The following PCDH15 variants were observed in gnomAD, a reference collection of about 807,000 sequenced individuals.
PCDH15 encodes the protein protocadherin related 15.
PCDH15 carries 129 observed loss-of-function variants against 178.5 expected under a neutral mutation model. The ratio of observed to expected loss-of-function variants is 0.72; its 90% confidence interval spans 0.63 to 0.84. PCDH15 has a LOEUF of 0.84. PCDH15 is among the 40% of genes least tolerant of loss of function. The pLI is 0.00. For missense variants in PCDH15, 2,230 were observed against 2,099.9 expected (o/e 1.06, Z -1.21); for synonymous variants, 800 against 732.0 (o/e 1.09, Z -1.50).
intron 2 of PCDH15, among the ~76,000 whole-genome samples, chr10:55,415,635 G>A (rs1457798990): frequency 6.6e-6 from 1 of 151,572 alleles, no homozygotes; most frequent in Non-Finnish European, 1.5e-5. Context: ...TTAAGGGTTT[G>A]GATACCAGGA....
intron 2 of PCDH15, among the ~76,000 whole-genome samples, chr10:55,435,706 A>T (rs970548407): frequency 1.1e-4 from 17 of 150,506 alleles, no homozygotes; most frequent in Non-Finnish European, 2.5e-4. Context: ...GGAGAAACAG[A>T]GAAAAAATAT....
intron 2 of PCDH15, among the ~76,000 whole-genome samples, chr10:55,078,672 T>C (rs1841968119): frequency 6.6e-6 from 1 of 152,090 alleles, no homozygotes; most frequent in South Asian, 2.1e-4. Flanking sequence ...TCATTTTTGG[T>C]TCTGTGGATA....
At chr10:54,537,707 T>C (rs1377445552) in intron 2 of PCDH15, among the ~76,000 whole-genome samples, 3 of 152,172 alleles carry the variant, frequency 2.0e-5, no homozygotes, top group Non-Finnish European at 4.4e-5. Flanking sequence ...ATTTCCACAT[T>C]GGCTGAACTA....
In PCDH15 at chr10:53,805,709, T is replaced by C. The variant is rs1841106375; in HGVS notation, c.*870A>G. 6.6e-6 allele frequency: 1 copy of C among 152,120 alleles called. No individual in the cohort carries two copies. Among genetic ancestry groups the C allele is most frequent in the Non-Finnish European group, 1.5e-5 (1 of 68,008 alleles). 9.4% of individuals were successfully genotyped at this position (152,120 alleles called of 1,614,324 possible). On this transcript the variant is annotated 3_prime_UTR_variant, in exon 38 of 38. Transcript: ENST00000644397. ...AAGTCTAGTGACATTAATGTGAGAC[T>C]TCCCTAACCTCACCATGTCTTCCAT...
intron 2 of PCDH15, among the ~76,000 whole-genome samples, chr10:55,163,686 G>A (rs146378618): frequency 7.2e-5 from 11 of 152,084 alleles, no homozygotes; most frequent in Non-Finnish European, 1.3e-4. Flanking sequence ...ATCCTCAGTA[G>A]TCATTATTCA....
At chr10:54,057,233 C>T (rs1196776628) in intron 18 of PCDH15, among the ~76,000 whole-genome samples, 2 of 152,206 alleles carry the variant, frequency 1.3e-5, no homozygotes, top group African/African-American at 2.4e-5. Flanking sequence ...AGGCAGTGTC[C>T]CAGTGGGGAC....
At chr10:55,033,131 G>A (rs1840651644) in intron 2 of PCDH15, among the ~76,000 whole-genome samples, 1 of 152,148 alleles carries the variant, frequency 6.6e-6, no homozygotes, top group Non-Finnish European at 1.5e-5. Context: ...AGAGCCTCAG[G>A]TTCTAGGCAG....
intron 25 of PCDH15, 131 bp downstream of exon 25, chr10:53,938,684 A>G (rs1020003484): frequency 7.2e-6 from 7 of 971,608 alleles, no homozygotes; most frequent in African/African-American, 3.3e-5. Flanking sequence ...CGAATAGGCA[A>G]TCATCTCAGA....
At chr10:54,880,094 C>A (rs1954233945) in intron 3 of PCDH15, among the ~76,000 whole-genome samples, 1 of 152,062 alleles carries the variant, frequency 6.6e-6, no homozygotes, top group Non-Finnish European at 1.5e-5. Context: ...ACACCCAGAT[C>A]CCTTATGAAA....
At chr10:54,391,318 C>G (rs7915792) in intron 3 of PCDH15, among the ~76,000 whole-genome samples, 1 of 151,916 alleles carries the variant, frequency 6.6e-6, no homozygotes, top group Non-Finnish European at 1.5e-5. Flanking sequence ...CCCACCTCCA[C>G]GAAAGGAGTT....
At chr10:55,265,310 T>TTATATATATATATATATATATATATA (rs1842257751) in intron 1 of PCDH15, among the ~76,000 whole-genome samples, 1 of 119,898 alleles carries the variant, frequency 8.3e-6, no homozygotes, top group African/African-American at 3.9e-5. Flanking sequence ...TGTATCTCTA[T>TTATATATATATATATATATATATATA]GATATATATA....
intron 3 of PCDH15, among the ~76,000 whole-genome samples, chr10:54,832,939 AC>A (rs1407328227): frequency 6.6e-6 from 1 of 152,156 alleles, no homozygotes; most frequent in African/African-American, 2.4e-5. Flanking sequence ...GGAAACTAAG[AC>A]TTTTTTGCAA....
intron 3 of PCDH15, among the ~76,000 whole-genome samples, chr10:54,896,499 T>C (rs919249008): frequency 9.5e-6 from 1 of 104,874 alleles, no homozygotes; most frequent in Admixed American, 1.2e-4. Context: ...AAGGTGCAAC[T>C]GAATTTCCCA....
chr10:53,864,602 G>C (rs1437267845), intron 27 of PCDH15, among the ~76,000 whole-genome samples: 1 of 151,980 alleles, frequency 6.6e-6, no homozygotes, highest in African/African-American at 2.4e-5. Flanking sequence ...GACCTCAAAA[G>C]GAGTATTAAA....
intron 2 of PCDH15, chr10:54,575,165 G>T (rs1377917440): frequency 8.4e-6 from 1 of 118,442 alleles, no homozygotes; most frequent in Non-Finnish European, 1.7e-5. Flanking sequence ...TGGGGGGAGG[G>T]GGGAGGGATA....
intron 3 of PCDH15, among the ~76,000 whole-genome samples, chr10:54,896,927 A>G (rs934248447): frequency 9.8e-5 from 15 of 152,310 alleles, no homozygotes; most frequent in Admixed American, 5.9e-4. Context: ...GCAATTACAT[A>G]TTGAGAATAA....
chr10:54,735,731 T>G (rs1161043513), intron 1 of PCDH15, among the ~76,000 whole-genome samples: 1 of 113,796 alleles, frequency 8.8e-6, no homozygotes, highest in Non-Finnish European at 1.9e-5. Flanking sequence ...ATGGATGAAA[T>G]TGGAAATCAT....
At chr10:55,330,966 G>C (rs1173556033) in intron 2 of PCDH15, among the ~76,000 whole-genome samples, 1 of 151,420 alleles carries the variant, frequency 6.6e-6, no homozygotes, top group Non-Finnish European at 1.5e-5. Flanking sequence ...AATTTTGAAG[G>C]ATGGAGCATC....
chr10:55,221,304 T>C (rs1168786246), intron 1 of PCDH15, among the ~76,000 whole-genome samples: 2 of 152,072 alleles, frequency 1.3e-5, no homozygotes, highest in Non-Finnish European at 2.9e-5. Context: ...CTGTTGAATG[T>C]CTAGGCTTTA....
Sources: gnomAD v4.1 joint callset for allele counts (sites outside exome capture counted in the v4.1 genomes callset) on GRCh38, gnomAD v4.1.1 for gene constraint, MANE v1.5 for transcripts, NCBI Gene and HGNC (gene_info 2026-07-23, HGNC 2026-07-21) for gene names.